Variants in GKAP1 observed in about 807,000 individuals in gnomAD.
The protein encoded by GKAP1 is G kinase anchoring protein 1, also known as G kinase-anchoring protein 1.
GKAP1 carries 31 observed loss-of-function variants against 56.7 expected under a neutral mutation model. The observed-to-expected ratio is 0.55, with a 90% CI of 0.41 to 0.74. GKAP1 has a LOEUF of 0.74. Ranked by LOEUF, GKAP1 falls within the 30% of genes least tolerant of loss-of-function variation. The pLI, the probability that GKAP1 is intolerant of heterozygous loss-of-function variation, is 0.00. For synonymous variants in GKAP1, 151 were observed against 138.6 expected (o/e 1.09, Z -0.63); for missense variants, 364 against 402.3 (o/e 0.90, Z 0.82).
chr9:83,790,757 A>T (rs972461854), intron 4 of GKAP1, among the ~76,000 whole-genome samples: 18 of 152,080 alleles, frequency 1.2e-4, no homozygotes, highest in East Asian at 3.9e-4. Flanking sequence ...GGTTGCAGTG[A>T]GCTGAGATTG....
chr9:83,744,290 T>C (rs1943254723), intron 10 of GKAP1, among the ~76,000 whole-genome samples: 1 of 152,228 alleles, frequency 6.6e-6, no homozygotes, highest in Non-Finnish European at 1.5e-5. Flanking sequence ...AGGTAACAAC[T>C]TGAACATAAC....
chr9:83,811,193 G>C (rs1944501393), intron 2 of GKAP1, among the ~76,000 whole-genome samples: 1 of 152,186 alleles, frequency 6.6e-6, no homozygotes, highest in Non-Finnish European at 1.5e-5. Flanking sequence ...CTAAAAATTT[G>C]ACTAAGCATG....
chr9:83,811,417 A>G (rs916757121), intron 2 of GKAP1, among the ~76,000 whole-genome samples: 6 of 152,270 alleles, frequency 3.9e-5, no homozygotes, highest in Middle Eastern at 3.2e-3. Context: ...AGTTGAGACT[A>G]TATCTTAAAT....
rs143370132 is a variant in GKAP1 at position 83,758,935 on chromosome 9, A to AT, written c.739-5577dup. ...GTATATACAGAAAGAGAAGTGGAGA[A>AT]TTTTTTAAACTGCATGAATCCTCTT... is the stretch of plus-strand genomic sequence containing the variant. On this transcript the variant is annotated intron_variant, in intron 8 of 12. Coordinates refer to ENST00000376371, the MANE Select transcript of GKAP1 (RefSeq NM_025211.4). 7.9e-3 allele frequency among the ~76,000 whole-genome samples: 1,208 copies of AT among 152,254 alleles called. 31 individuals are homozygous for AT. Among genetic ancestry groups the AT allele is most frequent in the East Asian group, 0.037 (190 of 5,184 alleles).
Position 83,768,939 on chromosome 9 carries a change from T to A in GKAP1, c.617A>T (p.Asp206Val). The A allele has an allele frequency of 6.2e-7, 1 of 1,610,420 alleles. No individual in the cohort carries two copies. The highest frequency in any genetic ancestry group is 8.5e-7 in the Non-Finnish European group (1 of 1,178,968). Reference sequence around the variant, plus strand: ...TTCCAGTCTATTGAAGAATCCTCCATCATGTGATAAAGTCTGAGAAGAACT... The same window carrying A: ...TTCCAGTCTATTGAAGAATCCTCCAACATGTGATAAAGTCTGAGAAGAACT... ...ELSSSQTLSH[D>V]GGFFNRLEDD... Residue 206 changes from aspartate (D) to valine (V), a missense_variant, in exon 8 of 13, where the codon GAT (aspartate) becomes GTT (valine). By Grantham distance (152) the Asp-to-Val change is radical. Coordinates refer to ENST00000376371, the MANE Select transcript of GKAP1 (RefSeq NM_025211.4).
rs1418493527 is a variant in GKAP1 at position 83,806,551 on chromosome 9, A to G, written c.-34T>C. 6.3e-7 allele frequency: 1 copy of G among 1,585,440 alleles called. No homozygotes were observed. Among genetic ancestry groups the G allele is most frequent in the African/African-American group, 1.4e-5 (1 of 73,942 alleles). Reference sequence around the variant, plus strand: ...TTTTTCTTTTAAAATACTTCTGTCAAGAATAATTTCTGTGGGGAGGCAGAA... The same window carrying G: ...TTTTTCTTTTAAAATACTTCTGTCAGGAATAATTTCTGTGGGGAGGCAGAA... On this transcript the variant is annotated 5_prime_UTR_variant, in exon 3 of 13. Coordinates refer to ENST00000376371, the MANE Select transcript of GKAP1 (RefSeq NM_025211.4).
At position 83,752,307 on chromosome 9, in the gene GKAP1, T is replaced by C. The variant is rs147348644; in HGVS notation, c.840+951A>G. Reference sequence around the variant, plus strand: ...GGCACGTGCCTGTAGTCCCAGCTACTTGGGAGGCTGAGGCAGGAGAAGTGC... The same window carrying C: ...GGCACGTGCCTGTAGTCCCAGCTACCTGGGAGGCTGAGGCAGGAGAAGTGC... On this transcript the variant is annotated intron_variant, in intron 9 of 12. Transcript: ENST00000376371. 3.7e-3 allele frequency among the ~76,000 whole-genome samples: 560 copies of C among 152,252 alleles called. 9 individuals are homozygous for C. The highest frequency in any genetic ancestry group is 0.013 in the African/African-American group (525 of 41,548).
intron 3 of GKAP1, among the ~76,000 whole-genome samples, chr9:83,802,361 C>T (rs1400535831): frequency 7.3e-6 from 1 of 137,896 alleles, no homozygotes; most frequent in Non-Finnish European, 1.6e-5. Flanking sequence ...TGCCTGTAGT[C>T]CCAGCTACTC....
intron 7 of GKAP1, among the ~76,000 whole-genome samples, chr9:83,774,929 G>A (rs182151804): frequency 7.3e-5 from 11 of 151,034 alleles, no homozygotes; most frequent in Admixed American, 2.6e-4. Flanking sequence ...GGACGGTCTC[G>A]ATCTCTTGAC....
At chr9:83,747,706 G>A (rs1169236752) in intron 10 of GKAP1, among the ~76,000 whole-genome samples, 2 of 150,608 alleles carry the variant, frequency 1.3e-5, no homozygotes, top group African/African-American at 4.9e-5. Flanking sequence ...GTGCAATCTC[G>A]GCTCACTGCA....
chr9:83,776,844 AC>A, intron 7 of GKAP1, among the ~76,000 whole-genome samples: 1 of 152,274 alleles, frequency 6.6e-6, no homozygotes, highest in East Asian at 1.9e-4. Context: ...ATCCAACATT[AC>A]TTTTCATAAT....
At chr9:83,802,874 A>G (rs1260009272) in intron 3 of GKAP1, among the ~76,000 whole-genome samples, 1 of 151,836 alleles carries the variant, frequency 6.6e-6, no homozygotes, top group Non-Finnish European at 1.5e-5. Context: ...GCTCACACCT[A>G]TAATCCCAGC....
At chr9:83,802,562 T>G (rs1229479651) in intron 3 of GKAP1, among the ~76,000 whole-genome samples, 2 of 151,896 alleles carry the variant, frequency 1.3e-5, no homozygotes, top group Non-Finnish European at 2.9e-5. Context: ...GGAATAGTGT[T>G]GCACACCTGT....
At chr9:83,794,764 C>T (rs910441904) in intron 4 of GKAP1, among the ~76,000 whole-genome samples, 3 of 150,264 alleles carry the variant, frequency 2.0e-5, no homozygotes, top group African/African-American at 7.4e-5. Flanking sequence ...ATGCATAAAG[C>T]AGATTATACC....
chr9:83,807,333 C>T (rs1041031513), intron 2 of GKAP1, among the ~76,000 whole-genome samples: 2 of 152,154 alleles, frequency 1.3e-5, no homozygotes, highest in African/African-American at 4.8e-5. Flanking sequence ...AAGTTAGCGG[C>T]TGAGTCTCCA....
intron 4 of GKAP1, among the ~76,000 whole-genome samples, chr9:83,790,549 G>A (rs1358978547): frequency 6.6e-6 from 1 of 152,124 alleles, no homozygotes; most frequent in Admixed American, 6.6e-5. Flanking sequence ...TTAGGAGGAC[G>A]AGGTGGGCGG....
intron 2 of GKAP1, among the ~76,000 whole-genome samples, chr9:83,815,342 G>A (rs370488382): frequency 1.5e-4 from 23 of 151,328 alleles, no homozygotes; most frequent in Admixed American, 9.9e-4. Context: ...AAACTCCTGA[G>A]CTCAAGCAAT....
chr9:83,785,957 TC>T (rs1449837205), intron 5 of GKAP1, among the ~76,000 whole-genome samples: 1 of 152,214 alleles, frequency 6.6e-6, no homozygotes, highest in African/African-American at 2.4e-5. Flanking sequence ...TATGCTATAT[TC>T]TTTCACATGT....
chr9:83,802,527 A>G (rs1250765503), intron 3 of GKAP1, among the ~76,000 whole-genome samples: 1 of 151,810 alleles, frequency 6.6e-6, no homozygotes, highest in African/African-American at 2.4e-5. Flanking sequence ...AAAAATGTAC[A>G]TTCAATGCAA....
Sources: gnomAD v4.1 joint callset for allele counts (sites outside exome capture counted in the v4.1 genomes callset) on GRCh38, gnomAD v4.1.1 for gene constraint, MANE v1.5 for transcripts, NCBI Gene and HGNC (gene_info 2026-07-23, HGNC 2026-07-21) for gene names.